The following SLC9A8 variants were observed in gnomAD, a reference collection of about 807,000 sequenced individuals.
The protein encoded by SLC9A8 is sodium/hydrogen exchanger 8.
In SLC9A8, 48 loss-of-function variants were observed where a neutral mutation model predicts 66.6. That is an observed-to-expected ratio of 0.72 (90% CI 0.57 to 0.92). SLC9A8 has a LOEUF of 0.92. Ranked by LOEUF, SLC9A8 falls within the 40% of genes least tolerant of loss-of-function variation. SLC9A8 has a pLI of 0.00. For missense variants in SLC9A8, 599 were observed against 747.3 expected, an observed-to-expected ratio of 0.80 and a Z score of 2.31; for synonymous variants, 274 against 282.6, an observed-to-expected ratio of 0.97 and a Z score of 0.31.
chr20:49,849,814 A>T, intron 6 of SLC9A8, 134 bp downstream of exon 6: 1 of 703,012 alleles, frequency 1.4e-6, no homozygotes, highest in Non-Finnish European at 2.5e-6. Flanking sequence ...CTGGAAGGAA[A>T]TCCTAGCTTC....
intron 8 of SLC9A8, 85 bp downstream of exon 8, chr20:49,855,666 C>T: frequency 7.7e-7 from 1 of 1,297,154 alleles, no homozygotes; most frequent in Non-Finnish European, 1.1e-6. Flanking sequence ...TTCCACACAG[C>T]ATGTGTACAG....
chr20:49,865,779 A>G (rs2088937410), intron 10 of SLC9A8, among the ~76,000 whole-genome samples: 1 of 152,106 alleles, frequency 6.6e-6, no homozygotes, highest in South Asian at 2.1e-4. Context: ...CTGAAAATGG[A>G]GCGTGACTCA....
chr20:49,851,567 G>A (rs945266496), intron 7 of SLC9A8, among the ~76,000 whole-genome samples: 4 of 152,266 alleles, frequency 2.6e-5, no homozygotes, highest in Admixed American at 2.0e-4. Flanking sequence ...TCACATGTTC[G>A]TCCCCAGATC....
chr20:49,868,392 G>T (rs2089063087), intron 10 of SLC9A8, among the ~76,000 whole-genome samples: 1 of 152,212 alleles, frequency 6.6e-6, no homozygotes, highest in African/African-American at 2.4e-5. Flanking sequence ...AGGGTTTTCA[G>T]AGAGGGGCAG....
At chr20:49,876,159 A>T (rs1414378279) in intron 11 of SLC9A8, among the ~76,000 whole-genome samples, 5 of 152,166 alleles carry the variant, frequency 3.3e-5, no homozygotes, top group Admixed American at 3.3e-4. Context: ...TGACTTGCCC[A>T]TGGTCTCATG....
chr20:49,877,456 G>A (rs2869936), intron 11 of SLC9A8, among the ~76,000 whole-genome samples: 36,782 of 151,902 alleles, frequency 0.24, 4,687 homozygotes, highest in Non-Finnish European at 0.29. Context: ...TTTTTGGCTC[G>A]CAGAGTGGAG....
chr20:49,869,249 T>G (rs2089096098), intron 10 of SLC9A8, among the ~76,000 whole-genome samples: 1 of 152,076 alleles, frequency 6.6e-6, no homozygotes, highest in Admixed American at 6.5e-5. Context: ...AGGCAGAGTT[T>G]CGCTCTGTAG....
chr20:49,842,645 G>A (rs2087814696), intron 4 of SLC9A8, among the ~76,000 whole-genome samples: 1 of 152,148 alleles, frequency 6.6e-6, no homozygotes, highest in Admixed American at 6.5e-5. Flanking sequence ...CTGCTCAAGT[G>A]CCACCTAAAA....
At chr20:49,817,020 G>A (rs1600620877) in intron 2 of SLC9A8, among the ~76,000 whole-genome samples, 1 of 144,748 alleles carries the variant, frequency 6.9e-6, no homozygotes, top group Admixed American at 6.8e-5. Flanking sequence ...GAGCCACCAC[G>A]CCCAGCCAAG....
chr20:49,886,769 G>A lies in SLC9A8; in HGVS notation c.1509G>A (p.Ser503=), dbSNP rs73125686. 6.1e-3 allele frequency: 9,803 copies of A among 1,614,050 alleles called. 45 individuals are homozygous for A. The highest frequency in any genetic ancestry group is 7.9e-3 in the Non-Finnish European group (9,329 of 1,179,956). ...KTEKMGNTVE[S]EHLSELTEEE... ...CTGCTCAGGGCAACACTGTGGAGTCGGAGCACCTGTCGGAGCTCACGGAGG... is the reference window on the plus strand; with the variant it reads ...CTGCTCAGGGCAACACTGTGGAGTCAGAGCACCTGTCGGAGCTCACGGAGG... Residue 503 remains serine, a synonymous_variant, in exon 15 of 16, where the codon TCG becomes TCA. Transcript: ENST00000361573. The surrounding 1 kb of genome is among the most constrained non-coding windows in gnomAD (Gnocchi z 4.8).
At chr20:49,864,196 T>G (rs1387122600) in intron 9 of SLC9A8, among the ~76,000 whole-genome samples, 3 of 152,230 alleles carry the variant, frequency 2.0e-5, no homozygotes, top group African/African-American at 7.2e-5. Flanking sequence ...GGGCATGAGT[T>G]TGGAAATCTC....
rs897680353 is a variant in SLC9A8, at chr20:49,864,830, G to A, written c.944G>A (p.Gly315Glu). 1.2e-6 allele frequency: 2 copies of A among 1,609,378 alleles called. No individual in the cohort carries two copies. The highest frequency in any genetic ancestry group is 3.3e-5 in the Admixed American group (2 of 60,002). Residue 315 changes from glycine to glutamate, a missense_variant, in exon 10 of 16, where the codon GGA becomes GAA. This residue lies in a region of SLC9A8 where 467 missense variants were observed against 626.5 expected (regional missense o/e 0.75). Transcript: ENST00000361573. ...FAYLPYGLAE[G>E]ISLSGIMAIL... ...TATCTGCCTTATGGGCTTGCAGAAG[G>A]AATCTCACTCTCAGGTAAGTGACAG...
chr20:49,827,474 C>T (rs375164076), intron 3 of SLC9A8, among the ~76,000 whole-genome samples: 9 of 151,344 alleles, frequency 5.9e-5, no homozygotes, highest in East Asian at 2.0e-4. Flanking sequence ...CATGGTGGTG[C>T]ACGCCTATAG....
Position 49,878,032 on chromosome 20 carries a change from A to G in SLC9A8, c.1127A>G (p.Lys376Arg), listed in dbSNP as rs537866434. 6.2e-7 allele frequency: 1 copy of G among 1,602,254 alleles called. No individual in the cohort carries two copies. Among genetic ancestry groups the G allele is most frequent in the South Asian group, 1.1e-5 (1 of 87,772 alleles). The change falls in exon 12 of 16, where the codon AAG becomes AGG. Residue 376 changes from lysine (K) to arginine (R), a missense_variant. Physicochemically the swap from Lys to Arg is conservative, Grantham distance 26. Transcript: ENST00000361573. Reference sequence around the variant, plus strand: ...CTGTCCATTTTTAGTTTTCCTCACAAGTTTGAAATTTCCTTTGTCATCTGG... The same window carrying G: ...CTGTCCATTTTTAGTTTTCCTCACAGGTTTGAAATTTCCTTTGTCATCTGG... ...LGLSIFSFPH[K>R]FEISFVIWCI...
chr20:49,849,791 A>C, intron 6 of SLC9A8, 111 bp downstream of exon 6: 4 of 816,056 alleles, frequency 4.9e-6, no homozygotes, highest in Non-Finnish European at 8.1e-6. Context: ...TTCACCCTTA[A>C]GGTAAATTCC....
At chr20:49,815,271 CTT>C in intron 2 of SLC9A8, 82 bp downstream of exon 2, 1 of 1,212,974 alleles carries the variant, frequency 8.2e-7, no homozygotes, top group Non-Finnish European at 1.1e-6. Flanking sequence ...TGTCACTCCT[CTT>C]GACTGTCAAG....
intron 4 of SLC9A8, among the ~76,000 whole-genome samples, chr20:49,842,077 G>A (rs1314748173): frequency 6.8e-6 from 1 of 146,870 alleles, no homozygotes; most frequent in Non-Finnish European, 1.5e-5. Flanking sequence ...TTTTTTGCTG[G>A]GGAGTGGTGG....
At chr20:49,861,339 T>A (rs1252650612) in intron 8 of SLC9A8, among the ~76,000 whole-genome samples, 1 of 152,054 alleles carries the variant, frequency 6.6e-6, no homozygotes, top group Non-Finnish European at 1.5e-5. Flanking sequence ...AGCCCAGGAG[T>A]TCGAGACCAG....
At chr20:49,860,394 C>A (rs2088682741) in intron 8 of SLC9A8, among the ~76,000 whole-genome samples, 1 of 152,112 alleles carries the variant, frequency 6.6e-6, no homozygotes, top group Admixed American at 6.6e-5. Flanking sequence ...GACCAAGCTA[C>A]CTTTTCATCT....
Sources: gnomAD v4.1 joint callset for allele counts (sites outside exome capture counted in the v4.1 genomes callset) on GRCh38, gnomAD v4.1.1 for gene constraint, gnomAD v4.1.1 regional missense constraint, Gnocchi (gnomAD v3.1) non-coding constraint, MANE v1.5 for transcripts, NCBI Gene and HGNC (gene_info 2026-07-23, HGNC 2026-07-21) for gene names.